The following SPEF2 variants were observed in gnomAD, a reference collection of about 807,000 sequenced individuals.
The protein encoded by SPEF2 is sperm flagella and cilia-associated protein 2.
Under a neutral mutation model 224.6 loss-of-function variants are expected in SPEF2, and 187 were observed. The observed-to-expected ratio is 0.83, with a 90% CI of 0.74 to 0.94. SPEF2 has a LOEUF of 0.94. Among genes scored for constraint, SPEF2 ranks in the 40% least tolerant of loss-of-function variants. The pLI, the probability that SPEF2 is intolerant of heterozygous loss-of-function variation, is 0.00. For missense variants in SPEF2, 2,170 were observed against 2,135.6 expected, an observed-to-expected ratio of 1.02 and a Z score of -0.32; for synonymous variants, 715 against 707.3, an observed-to-expected ratio of 1.01 and a Z score of -0.17.
chr5:35,800,531 C>T (rs909267492), intron 34 of SPEF2, among the ~76,000 whole-genome samples: 3 of 152,096 alleles, frequency 2.0e-5, no homozygotes, highest in Admixed American at 6.5e-5. Flanking sequence ...ACATGCACAC[C>T]ACATATATGG....
intron 18 of SPEF2, among the ~76,000 whole-genome samples, chr5:35,707,484 C>T (rs1286906328): frequency 6.6e-6 from 1 of 152,148 alleles, no homozygotes; most frequent in African/African-American, 2.4e-5. Flanking sequence ...AATGAAGCCT[C>T]CTAGCTTGCT....
intron 21 of SPEF2, among the ~76,000 whole-genome samples, chr5:35,736,883 C>A (rs183826205): frequency 6.6e-6 from 1 of 150,774 alleles, no homozygotes; most frequent in African/African-American, 2.4e-5. Flanking sequence ...TCTTTGGCCC[C>A]TCAGAAACTT....
At chr5:35,677,130 A>G (rs1752136673) in intron 10 of SPEF2, among the ~76,000 whole-genome samples, 1 of 152,194 alleles carries the variant, frequency 6.6e-6, no homozygotes, top group South Asian at 2.1e-4. Flanking sequence ...GTTACAAGGT[A>G]GGCAGAACAA....
At chr5:35,628,780 C>T (rs566047666) in intron 2 of SPEF2, among the ~76,000 whole-genome samples, 87 of 151,822 alleles carry the variant, frequency 5.7e-4, no homozygotes, top group African/African-American at 1.8e-3. Context: ...TTGGTGTAGA[C>T]GGGGTTTTTC....
intron 8 of SPEF2, among the ~76,000 whole-genome samples, chr5:35,662,745 T>G (rs1749919132): frequency 6.6e-6 from 1 of 152,152 alleles, no homozygotes; most frequent in African/African-American, 2.4e-5. Context: ...TGGAGGTGTG[T>G]GGTCTTATTT....
intron 23 of SPEF2, among the ~76,000 whole-genome samples, chr5:35,747,108 A>G (rs561264612): frequency 6.6e-6 from 1 of 152,184 alleles, no homozygotes; most frequent in African/African-American, 2.4e-5. Flanking sequence ...GTCTTTTTCA[A>G]ACAAACAAAT....
intron 23 of SPEF2, among the ~76,000 whole-genome samples, chr5:35,750,112 C>G (rs1300871038): frequency 1.3e-5 from 2 of 152,060 alleles, no homozygotes; most frequent in African/African-American, 4.8e-5. Flanking sequence ...GAAAGGACAC[C>G]CTGTTCAACA....
At chr5:35,722,171 GTGT>G (rs1251010409) in intron 20 of SPEF2, among the ~76,000 whole-genome samples, 2 of 152,128 alleles carry the variant, frequency 1.3e-5, no homozygotes, top group Non-Finnish European at 2.9e-5. Context: ...CCAGGGAGAT[GTGT>G]TCAATTACTG....
In SPEF2 at chr5:35,773,299, G is replaced by A. The variant is rs994226358; in HGVS notation, c.3950-594G>A. ...GGAGGCTGAGGTGGAAAGATTGCCT[G>A]AGCTTGGGAGGTCGAGGCTGCATTG... On this transcript the variant is annotated intron_variant, in intron 27 of 36. Transcript: ENST00000356031. 1.9e-4 allele frequency among the ~76,000 whole-genome samples: 29 copies of A among 152,158 alleles called. 1 individual carries two copies. Among genetic ancestry groups the A allele is most frequent in the Non-Finnish European group, 1.6e-4 (11 of 68,032 alleles).
chr5:35,749,348 G>A (rs559968254), intron 23 of SPEF2, among the ~76,000 whole-genome samples: 12 of 152,184 alleles, frequency 7.9e-5, no homozygotes, highest in Admixed American at 7.2e-4. Flanking sequence ...GGAGGTCCTA[G>A]CCAGAGCAAT....
At chr5:35,619,192 G>A (rs565135458) in intron 1 of SPEF2, among the ~76,000 whole-genome samples, 1 of 152,196 alleles carries the variant, frequency 6.6e-6, no homozygotes, top group Admixed American at 6.5e-5. Context: ...GGTATTCTAC[G>A]ATTATCCCAT....
chr5:35,719,412 G>C (rs1300533774), intron 20 of SPEF2, among the ~76,000 whole-genome samples: 3 of 152,090 alleles, frequency 2.0e-5, no homozygotes, highest in Admixed American at 2.0e-4. Flanking sequence ...CTGATTATTT[G>C]CATAAAGTGC....
intron 30 of SPEF2, among the ~76,000 whole-genome samples, 163 bp from the exon 31 acceptor site, chr5:35,792,177 A>G (rs1756058616): frequency 6.6e-6 from 1 of 152,150 alleles, no homozygotes; most frequent in Non-Finnish European, 1.5e-5. Flanking sequence ...TCAGGAAATT[A>G]TAATTTTTAT....
chr5:35,631,774 A>G (rs2149378477), intron 2 of SPEF2, among the ~76,000 whole-genome samples: 1 of 152,332 alleles, frequency 6.6e-6, no homozygotes, highest in South Asian at 2.1e-4. Context: ...AATATTTGGG[A>G]AAAAAATTTC....
At chr5:35,671,330 A>G in intron 10 of SPEF2, 1 of 954,102 alleles carries the variant, frequency 1.0e-6, no homozygotes, top group Non-Finnish European at 1.2e-6. Context: ...AGATTATGAG[A>G]AATTAAATGT....
intron 14 of SPEF2, among the ~76,000 whole-genome samples, chr5:35,696,172 T>C (rs537890021): frequency 2.6e-5 from 4 of 152,310 alleles, no homozygotes; most frequent in East Asian, 3.9e-4. Context: ...CTCTTCAGAA[T>C]TTGTTTATTA....
chr5:35,772,874 C>T (rs2149785957), intron 27 of SPEF2, among the ~76,000 whole-genome samples: 1 of 152,256 alleles, frequency 6.6e-6, no homozygotes, highest in Admixed American at 6.5e-5. Flanking sequence ...TCTTTGTTTA[C>T]AGTATCTTCT....
chr5:35,654,470 C>T, intron 6 of SPEF2, 70 bp from the exon 7 acceptor site: 1 of 1,280,528 alleles, frequency 7.8e-7, no homozygotes, highest in Non-Finnish European at 1.0e-6. Flanking sequence ...GGTCTTTCTC[C>T]ATAGTCACAG....
chr5:35,808,243 A>G (rs1252982653), intron 36 of SPEF2: 1 of 806,582 alleles, frequency 1.2e-6, no homozygotes, highest in Non-Finnish European at 1.5e-6. Flanking sequence ...GTATAACTGA[A>G]GTTGATTTCT....
Sources: gnomAD v4.1 joint callset for allele counts (sites outside exome capture counted in the v4.1 genomes callset) on GRCh38, gnomAD v4.1.1 for gene constraint, MANE v1.5 for transcripts, NCBI Gene and HGNC (gene_info 2026-07-23, HGNC 2026-07-21) for gene names.